EML6: variants seen among roughly 807,000 people sequenced by gnomAD.
EML6 encodes the protein echinoderm microtubule-associated protein-like 6.
In EML6, 154 loss-of-function variants were observed where a neutral mutation model predicts 240.1. The observed-to-expected ratio is 0.64, with a 90% CI of 0.56 to 0.73. The LOEUF is 0.73. EML6 is among the 30% of genes least tolerant of loss of function. The pLI is 0.00. For synonymous variants in EML6, 1,148 were observed against 899.0 expected, an observed-to-expected ratio of 1.28 and a Z score of -4.95; for missense variants, 2,964 against 2,474.6, an observed-to-expected ratio of 1.20 and a Z score of -4.20.
intron 26 of EML6, among the ~76,000 whole-genome samples, chr2:54,918,788 TG>T (rs1350035555): frequency 6.6e-6 from 1 of 152,230 alleles, no homozygotes; most frequent in African/African-American, 2.4e-5. Context: ...TAAAGACAAG[TG>T]GATAGTGGTC....
At chr2:54,963,122 G>A (rs1489243127) in intron 36 of EML6, among the ~76,000 whole-genome samples, 2 of 151,400 alleles carry the variant, frequency 1.3e-5, no homozygotes, top group Non-Finnish European at 2.9e-5. Context: ...GAGTGGCTGG[G>A]CGGAGCGGGG....
chr2:54,847,908 C>A (rs1346737463), intron 9 of EML6, among the ~76,000 whole-genome samples: 1 of 152,160 alleles, frequency 6.6e-6, no homozygotes, highest in Non-Finnish European at 1.5e-5. Context: ...ATGTGACTTG[C>A]TGCAAAATTA....
chr2:54,901,235 A>G (rs1474386984), intron 22 of EML6, among the ~76,000 whole-genome samples: 1 of 152,330 alleles, frequency 6.6e-6, no homozygotes, highest in East Asian at 1.9e-4. Flanking sequence ...ATTCAAACCC[A>G]TGCAGTGTGA....
intron 5 of EML6, among the ~76,000 whole-genome samples, chr2:54,826,127 T>C (rs957863738): frequency 3.9e-5 from 6 of 152,310 alleles, no homozygotes; most frequent in African/African-American, 1.4e-4. Flanking sequence ...AAGACAAAGA[T>C]TTCAGTATTT....
chr2:54,836,066 C>T (rs1199803331), intron 7 of EML6, among the ~76,000 whole-genome samples: 1 of 152,220 alleles, frequency 6.6e-6, no homozygotes, highest in African/African-American at 2.4e-5. Context: ...TCTGGGCTTG[C>T]CCTTCAGCCT....
intron 2 of EML6, among the ~76,000 whole-genome samples, chr2:54,783,611 G>C (rs903853809): frequency 1.7e-4 from 25 of 150,954 alleles, no homozygotes; most frequent in Admixed American, 1.4e-3. Flanking sequence ...GTAATTAGCT[G>C]TAGTTTATGC....
intron 2 of EML6, among the ~76,000 whole-genome samples, chr2:54,735,036 G>A (rs1295142825): frequency 1.3e-5 from 2 of 152,126 alleles, no homozygotes; most frequent in Non-Finnish European, 2.9e-5. Flanking sequence ...ATCCTATTTT[G>A]TGTTTCCTCA....
intron 5 of EML6, among the ~76,000 whole-genome samples, chr2:54,823,108 A>G (rs2104123953): frequency 6.6e-6 from 1 of 152,346 alleles, no homozygotes; most frequent in South Asian, 2.1e-4. Flanking sequence ...GAAAGAAGAA[A>G]AACAGACGCC....
chr2:54,871,084 T>A (rs530860354), intron 15 of EML6, among the ~76,000 whole-genome samples: 1 of 152,234 alleles, frequency 6.6e-6, no homozygotes, highest in Admixed American at 6.5e-5. Context: ...CTTCTTCTGG[T>A]GGGTAGCGTA....
In EML6 at chr2:54,928,574, C is replaced by A. The variant is rs895047145; in HGVS notation, c.3878-51C>A. ...GAATGCACCTCCCAACACCTCCCTTCCTGGGCCACTGCAAACCAACTGGCT... is the reference window on the plus strand; with the variant it reads ...GAATGCACCTCCCAACACCTCCCTTACTGGGCCACTGCAAACCAACTGGCT... On this transcript the variant is annotated intron_variant, in intron 27 of 41. Coordinates refer to ENST00000356458, the MANE Select transcript of EML6 (RefSeq NM_001039753.4). 7 of 1,551,690 alleles carry A rather than the reference C, an allele frequency of 4.5e-6. No homozygotes were observed. In the African/African-American group the frequency reaches 6.8e-5, roughly 15 times the overall value.
intron 2 of EML6, among the ~76,000 whole-genome samples, chr2:54,800,775 C>T (rs13416919): frequency 0.41 from 62,318 of 151,670 alleles, 12,961 homozygotes; most frequent in Admixed American, 0.46. Flanking sequence ...AAAACCAATA[C>T]GGGGGAAGAG....
At chr2:54,829,302 G>A in intron 6 of EML6, 40 bp from the exon 7 acceptor site, 1 of 1,535,604 alleles carries the variant, frequency 6.5e-7, no homozygotes, top group Non-Finnish European at 8.8e-7. Context: ...TTATACTTAG[G>A]ATGGTTGCAC....
At chr2:54,917,208 A>T (rs1300644290) in intron 26 of EML6, among the ~76,000 whole-genome samples, 1 of 152,210 alleles carries the variant, frequency 6.6e-6, no homozygotes, top group Non-Finnish European at 1.5e-5. Context: ...ACAACCTCAC[A>T]GACCAGTGCC....
chr2:54,876,853 C>G (rs1277019970), intron 16 of EML6, among the ~76,000 whole-genome samples: 1 of 152,098 alleles, frequency 6.6e-6, no homozygotes, highest in Non-Finnish European at 1.5e-5. Flanking sequence ...CATTCAAGAT[C>G]TTCTTTTCTA....
intron 12 of EML6, among the ~76,000 whole-genome samples, chr2:54,861,484 G>A (rs1670667860): frequency 6.6e-6 from 1 of 152,188 alleles, no homozygotes; most frequent in African/African-American, 2.4e-5. Flanking sequence ...AAAGTGAGCG[G>A]TAAATGACTG....
chr2:54,791,055 C>G (rs1669422038), intron 2 of EML6, among the ~76,000 whole-genome samples: 1 of 152,196 alleles, frequency 6.6e-6, no homozygotes, highest in African/African-American at 2.4e-5. Flanking sequence ...TTGAAGCAAA[C>G]AGTCACAGGC....
intron 9 of EML6, among the ~76,000 whole-genome samples, chr2:54,849,307 G>T (rs1482393025): frequency 6.6e-6 from 1 of 152,148 alleles, no homozygotes. Flanking sequence ...GGAAATATCT[G>T]ATAGATTATT....
At chr2:54,738,685 C>G (rs756938353) in intron 2 of EML6, among the ~76,000 whole-genome samples, 1 of 152,122 alleles carries the variant, frequency 6.6e-6, no homozygotes, top group Non-Finnish European at 1.5e-5. Context: ...ATGTCTAGCT[C>G]CTTTCAGTCA....
intron 28 of EML6, among the ~76,000 whole-genome samples, chr2:54,941,484 A>G (rs955493324): frequency 6.6e-6 from 1 of 152,200 alleles, no homozygotes; most frequent in Non-Finnish European, 1.5e-5. Context: ...ATTGATCAAT[A>G]GCTGTTTTGT....
Sources: gnomAD v4.1 joint callset for allele counts (sites outside exome capture counted in the v4.1 genomes callset) on GRCh38, gnomAD v4.1.1 for gene constraint, MANE v1.5 for transcripts, NCBI Gene and HGNC (gene_info 2026-07-23, HGNC 2026-07-21) for gene names.